Variants in SH3PXD2B observed in about 807,000 individuals in gnomAD.
SH3PXD2B encodes SH3 and PX domains 2B, also known as SH3 and PX domain-containing protein 2B.
Under a neutral mutation model 73.1 loss-of-function variants are expected in SH3PXD2B, and 37 were observed. That is an observed-to-expected ratio of 0.51 (90% confidence interval 0.39 to 0.67). The LOEUF (loss-of-function observed/expected upper bound fraction) is 0.67. Among genes scored for constraint, SH3PXD2B ranks in the 30% least tolerant of loss-of-function variants. The pLI, the probability that SH3PXD2B is intolerant of heterozygous loss-of-function variation, is 0.00. For missense variants in SH3PXD2B, 1,053 were observed against 1,197.8 expected, an observed-to-expected ratio of 0.88 and a Z score of 1.78; for synonymous variants, 457 against 480.5, an observed-to-expected ratio of 0.95 and a Z score of 0.64.
chr5:172,400,490 CCT>C (rs1042916633), intron 3 of SH3PXD2B, among the ~76,000 whole-genome samples: 11 of 152,284 alleles, frequency 7.2e-5, no homozygotes, highest in African/African-American at 2.6e-4. Context: ...GCATTACCCC[CCT>C]GAGGCCTCAT....
chr5:172,406,055 C>T (rs1042756020), intron 3 of SH3PXD2B, among the ~76,000 whole-genome samples: 6 of 152,188 alleles, frequency 3.9e-5, no homozygotes, highest in Non-Finnish European at 7.3e-5. Context: ...TTATATATTA[C>T]TGCTCAAGGT....
Position 172,353,728 on chromosome 5 carries a change from A to T in SH3PXD2B, c.785+160T>A, listed in dbSNP as rs934508914. Among the ~76,000 whole-genome samples the T allele has an allele frequency of 2.0e-5, 3 of 152,158 alleles. No individual in the cohort carries two copies. The highest frequency in any genetic ancestry group is 7.2e-5 in the African/African-American group (3 of 41,416). On this transcript the variant is annotated intron_variant, in intron 9 of 12. Transcript: ENST00000311601. The surrounding 1 kb of genome is among the most constrained non-coding windows in gnomAD (Gnocchi z 4.3). Reference sequence around the variant, plus strand: ...AAGGATATGGGTAGGGAGGGAGGCCACACAACACAGAGGAGAAGTATCCTT... The same window carrying T: ...AAGGATATGGGTAGGGAGGGAGGCCTCACAACACAGAGGAGAAGTATCCTT...
downstream of SH3PXD2B, among the ~76,000 whole-genome samples, chr5:172,331,915 C>T (rs1756562968): frequency 6.6e-6 from 1 of 152,170 alleles, no homozygotes; most frequent in Non-Finnish European, 1.5e-5. Context: ...CATTGCACTC[C>T]AGCCTGGGTG....
intron 8 of SH3PXD2B, among the ~76,000 whole-genome samples, chr5:172,355,597 T>A (rs968042911): frequency 6.6e-6 from 1 of 150,630 alleles, no homozygotes; most frequent in African/African-American, 2.4e-5. Flanking sequence ...CAGGCTGGAG[T>A]GCAGTGGCGC....
chr5:172,451,778 G>A (rs574524766), intron 1 of SH3PXD2B, among the ~76,000 whole-genome samples: 1 of 152,346 alleles, frequency 6.6e-6, no homozygotes, highest in South Asian at 2.1e-4. Flanking sequence ...TGAGGGGTTG[G>A]GGTGGAGCTT....
At chr5:172,418,539 A>G (rs996004238) in intron 2 of SH3PXD2B, among the ~76,000 whole-genome samples, 1 of 152,194 alleles carries the variant, frequency 6.6e-6, no homozygotes, top group African/African-American at 2.4e-5. Context: ...GCCAGACAAG[A>G]GGGAGGGGAG....
intron 3 of SH3PXD2B, among the ~76,000 whole-genome samples, chr5:172,401,666 A>G (rs958436691): frequency 6.6e-6 from 1 of 152,234 alleles, no homozygotes; most frequent in Non-Finnish European, 1.5e-5. Flanking sequence ...AGAAGAACAT[A>G]AATTGTGAAG....
chr5:172,413,630 G>A (rs1271284870), intron 2 of SH3PXD2B, among the ~76,000 whole-genome samples: 1 of 152,206 alleles, frequency 6.6e-6, no homozygotes, highest in Non-Finnish European at 1.5e-5. Context: ...TACATACCAG[G>A]TGGCAGCAAC....
chr5:172,339,198 A>C lies in SH3PXD2B; in HGVS notation c.1907T>G (p.Leu636Trp). 1 of 1,614,228 alleles carries C rather than the reference A, an allele frequency of 6.2e-7. No individual in the cohort carries two copies. The highest frequency in any genetic ancestry group is 8.5e-7 in the Non-Finnish European group (1 of 1,180,034). The change falls in exon 13 of 13, where the codon TTG (leucine) becomes TGG (tryptophan). Residue 636 changes from leucine to tryptophan, a missense_variant. Coordinates refer to ENST00000311601, the MANE Select transcript of SH3PXD2B (RefSeq NM_001017995.3). The surrounding 1 kb of genome is among the most constrained non-coding windows in gnomAD (Gnocchi z 6.1). ...TGGCCTAACCTGAGGTCTGGACTTC[A>C]AGAAGGGATTCTGGGGAGTGGCATC... is the stretch of plus-strand genomic sequence containing the variant. ...KPDATPQNPF[L>W]KSRPQVRPKP...
At position 172,338,669 on chromosome 5, in the gene SH3PXD2B, C is replaced by A. The variant is rs1329401943; in HGVS notation, c.2436G>T (p.Leu812Phe). ...PKAKPFLSNS[L>F]GGQDDTRGKG... ...TGCCTCGCGTGTCATCCTGGCCCCC[C>A]AAAGAGTTGGAGAGAAAAGGTTTGG... Residue 812 changes from leucine (L) to phenylalanine (F), a missense_variant, in exon 13 of 13, where the codon TTG becomes TTT. Transcript: ENST00000311601. The surrounding 1 kb of genome is among the most constrained non-coding windows in gnomAD (Gnocchi z 5.1). The A allele has an allele frequency of 6.2e-7, 1 of 1,614,094 alleles. No individual in the cohort carries two copies. Among genetic ancestry groups the A allele is most frequent in the Admixed American group, 1.7e-5 (1 of 60,002 alleles).
At chr5:172,366,944 TTTTTTTTTTG>T (rs1476138633) in intron 6 of SH3PXD2B, among the ~76,000 whole-genome samples, 3 of 127,284 alleles carry the variant, frequency 2.4e-5, no homozygotes, top group African/African-American at 3.4e-5. Context: ...TTTTTTTTTT[TTTTTTTTTTG>T]GGGACAGAGT....
intron 12 of SH3PXD2B, among the ~76,000 whole-genome samples, chr5:172,328,459 G>A (rs1439811247): frequency 6.6e-6 from 1 of 152,008 alleles, no homozygotes; most frequent in Non-Finnish European, 1.5e-5. Context: ...TTGGCCTCCC[G>A]AAGTGTTGGG....
chr5:172,388,833 G>T (rs892747220), intron 4 of SH3PXD2B, among the ~76,000 whole-genome samples: 2 of 152,330 alleles, frequency 1.3e-5, no homozygotes, highest in South Asian at 2.1e-4. Flanking sequence ...GACAAAAGAA[G>T]ATCATCTCCA....
chr5:172,362,552 T>C (rs1412783264), intron 7 of SH3PXD2B, among the ~76,000 whole-genome samples, 183 bp downstream of exon 7: 1 of 152,096 alleles, frequency 6.6e-6, no homozygotes, highest in African/African-American at 2.4e-5. Context: ...TGGTGAGTGG[T>C]GGCCAGGTGG....
chr5:172,401,152 T>C (rs1209437337), intron 3 of SH3PXD2B, among the ~76,000 whole-genome samples: 3 of 152,208 alleles, frequency 2.0e-5, no homozygotes, highest in Non-Finnish European at 2.9e-5. Context: ...CAGTCTGTTA[T>C]TTGGCTTGGA....
chr5:172,381,228 G>T (rs1257349553), intron 5 of SH3PXD2B, among the ~76,000 whole-genome samples: 2 of 152,172 alleles, frequency 1.3e-5, no homozygotes, highest in African/African-American at 4.8e-5. Flanking sequence ...TCTACTTCTG[G>T]AACAGAGCCT....
At chr5:172,361,446 CCTT>C (rs951212562) in intron 7 of SH3PXD2B, among the ~76,000 whole-genome samples, 2 of 152,154 alleles carry the variant, frequency 1.3e-5, no homozygotes, top group Non-Finnish European at 2.9e-5. Context: ...TCACCCTCTC[CCTT>C]CTTCTTGCTG....
chr5:172,450,667 C>A (rs943195572), intron 1 of SH3PXD2B, among the ~76,000 whole-genome samples: 3 of 152,028 alleles, frequency 2.0e-5, no homozygotes, highest in Non-Finnish European at 4.4e-5. Flanking sequence ...CTCCTGCTGC[C>A]GAGACACTAA....
At chr5:172,326,085 C>T (rs1756442518) in intron 12 of SH3PXD2B, among the ~76,000 whole-genome samples, 1 of 152,170 alleles carries the variant, frequency 6.6e-6, no homozygotes, top group Admixed American at 6.5e-5. Context: ...CCGCGCCTGG[C>T]TGGCGGCCCT....
Sources: gnomAD v4.1 joint callset for allele counts (sites outside exome capture counted in the v4.1 genomes callset) on GRCh38, gnomAD v4.1.1 for gene constraint, Gnocchi (gnomAD v3.1) non-coding constraint, MANE v1.5 for transcripts, NCBI Gene and HGNC (gene_info 2026-07-23, HGNC 2026-07-21) for gene names.